NDST3: variants seen among roughly 807,000 people sequenced by gnomAD.
The protein encoded by NDST3 is N-deacetylase and N-sulfotransferase 3.
NDST3 carries 58 observed loss-of-function variants against 96.1 expected under a neutral mutation model. The ratio of observed to expected loss-of-function variants is 0.60; its 90% CI spans 0.49 to 0.75. The LOEUF (loss-of-function observed/expected upper bound fraction) is 0.75. NDST3 is among the 30% of genes least tolerant of loss of function. The probability of loss-of-function intolerance (pLI) is 0.00; values close to 1 mark genes in which losing one functional copy is unlikely to be tolerated. For missense variants in NDST3, 788 were observed against 1,034.2 expected (o/e 0.76, Z 3.27); for synonymous variants, 333 against 359.7 (o/e 0.93, Z 0.84).
intron 2 of NDST3, among the ~76,000 whole-genome samples, chr4:118,065,638 C>T (rs1310719487): frequency 2.6e-5 from 4 of 151,940 alleles, no homozygotes; most frequent in African/African-American, 9.7e-5. Context: ...TCATTGTTAC[C>T]ATTTCATTAT....
chr4:118,056,330 C>T (rs575249347), intron 2 of NDST3, among the ~76,000 whole-genome samples: 27 of 151,776 alleles, frequency 1.8e-4, no homozygotes, highest in African/African-American at 6.3e-4. Context: ...ATACAAAATG[C>T]CATTTGTGCT....
In NDST3 at chr4:118,177,108, C is replaced by T. The variant is rs1736327550; in HGVS notation, c.1539+33424C>T. Among the ~76,000 whole-genome samples, 4 of 151,638 alleles carry T rather than the reference C, an allele frequency of 2.6e-5. No individual in the cohort carries two copies. The South Asian group carries it at 8.3e-4, about 31-fold the overall frequency. On this transcript the variant is annotated intron_variant, in intron 6 of 13. Transcript: ENST00000296499. ...TCACAAGCAAATCATTTAAATAATC[C>T]AAATATCAAATTTCTTAACTATTAA... is the stretch of plus-strand genomic sequence containing the variant.
chr4:118,252,856 A>C (rs954779265), intron 12 of NDST3, among the ~76,000 whole-genome samples: 2 of 152,160 alleles, frequency 1.3e-5, no homozygotes, highest in Non-Finnish European at 2.9e-5. Flanking sequence ...GCGCCATTGC[A>C]CTCCAGCCTG....
intron 1 of NDST3, 101 bp from the exon 2 acceptor site, chr4:118,053,655 C>A (rs1422851006): frequency 5.8e-6 from 2 of 347,720 alleles, no homozygotes; most frequent in East Asian, 5.2e-5. Flanking sequence ...TACACCAGTT[C>A]ATCTGCCAAG....
intron 2 of NDST3, among the ~76,000 whole-genome samples, chr4:118,077,523 C>T (rs560305125): frequency 6.6e-6 from 1 of 152,090 alleles, no homozygotes; most frequent in Non-Finnish European, 1.5e-5. Context: ...TTGGAAGAGC[C>T]CCCTCCAATC....
At chr4:118,088,193 T>C (rs771534718) in intron 2 of NDST3, among the ~76,000 whole-genome samples, 1 of 152,010 alleles carries the variant, frequency 6.6e-6, no homozygotes, top group African/African-American at 2.4e-5. Context: ...ATAAAAATAA[T>C]AGCAATTAGA....
At chr4:118,226,407 T>C (rs1367357999) in intron 7 of NDST3, among the ~76,000 whole-genome samples, 1 of 152,220 alleles carries the variant, frequency 6.6e-6, no homozygotes, top group Non-Finnish European at 1.5e-5. Flanking sequence ...AGCTGAGACG[T>C]ATCTGCTGTC....
At chr4:118,044,533 G>A (rs568189598) in intron 1 of NDST3, among the ~76,000 whole-genome samples, 4 of 152,318 alleles carry the variant, frequency 2.6e-5, no homozygotes, top group African/African-American at 7.2e-5. Flanking sequence ...TGTGAGAAAT[G>A]AGACTGCACT....
intron 5 of NDST3, among the ~76,000 whole-genome samples, chr4:118,142,142 T>G (rs1316218290): frequency 1.3e-5 from 2 of 152,074 alleles, no homozygotes; most frequent in Non-Finnish European, 2.9e-5. Flanking sequence ...ATTATTTTTG[T>G]GTATAGATAG....
intron 5 of NDST3, 24 bp downstream of exon 5, chr4:118,138,263 G>C: frequency 6.3e-7 from 1 of 1,577,000 alleles, no homozygotes; most frequent in Non-Finnish European, 8.6e-7. Flanking sequence ...AGTATGCATA[G>C]GGTACAACTA....
chr4:118,059,764 G>C (rs1381374803), intron 2 of NDST3, among the ~76,000 whole-genome samples: 2 of 152,042 alleles, frequency 1.3e-5, no homozygotes, highest in African/African-American at 4.8e-5. Context: ...ACACATAAAA[G>C]GGTAGCAAAA....
chr4:118,215,534 C>T (rs1217775874), intron 6 of NDST3, among the ~76,000 whole-genome samples: 1 of 151,944 alleles, frequency 6.6e-6, no homozygotes, highest in Non-Finnish European at 1.5e-5. Context: ...AAGAACTTGG[C>T]TGGGTAGGAC....
chr4:118,155,976 GACACCCAGTA>G (rs1734686472), intron 6 of NDST3, among the ~76,000 whole-genome samples: 1 of 152,174 alleles, frequency 6.6e-6, no homozygotes, highest in Admixed American at 6.5e-5. Flanking sequence ...AGCAATCAAT[GACACCCAGTA>G]GCAAAGATTT....
intron 6 of NDST3, among the ~76,000 whole-genome samples, chr4:118,169,864 T>C (rs1378943006): frequency 6.6e-6 from 1 of 151,618 alleles, no homozygotes; most frequent in Non-Finnish European, 1.5e-5. Flanking sequence ...TGCAGTCAGA[T>C]GGTAACTAGA....
At chr4:118,090,714 G>A (rs1221298925) in intron 2 of NDST3, among the ~76,000 whole-genome samples, 1 of 151,782 alleles carries the variant, frequency 6.6e-6, no homozygotes, top group Non-Finnish European at 1.5e-5. Context: ...AGGAAAAAAA[G>A]GAGCTATTTC....
chr4:118,051,473 C>G (rs1209631729), intron 1 of NDST3, among the ~76,000 whole-genome samples: 1 of 151,988 alleles, frequency 6.6e-6, no homozygotes, highest in African/African-American at 2.4e-5. Context: ...AACAGACAAC[C>G]TACAGAATGG....
At chr4:118,105,809 T>G (rs1178152255) in intron 3 of NDST3, among the ~76,000 whole-genome samples, 1 of 152,188 alleles carries the variant, frequency 6.6e-6, no homozygotes, top group African/African-American at 2.4e-5. Flanking sequence ...AGGACTTGAG[T>G]ATTCTTTTCT....
chr4:118,194,347 AC>A (rs1283678044), intron 6 of NDST3: 2 of 729,588 alleles, frequency 2.7e-6, no homozygotes, highest in African/African-American at 3.5e-5. Flanking sequence ...TCTCCCTTAA[AC>A]TCAAACAACT....
At chr4:118,185,063 G>C (rs576143058) in intron 6 of NDST3, among the ~76,000 whole-genome samples, 3 of 152,206 alleles carry the variant, frequency 2.0e-5, no homozygotes, top group Admixed American at 2.0e-4. Context: ...ATTTCGTTAA[G>C]AGACACCAAT....
Sources: gnomAD v4.1 joint callset for allele counts (sites outside exome capture counted in the v4.1 genomes callset) on GRCh38, gnomAD v4.1.1 for gene constraint, MANE v1.5 for transcripts, NCBI Gene and HGNC (gene_info 2026-07-23, HGNC 2026-07-21) for gene names.